FRRS1: variants seen among roughly 807,000 people sequenced by gnomAD.
FRRS1 encodes ferric reductase 1.
In FRRS1, 51 loss-of-function variants were observed where a neutral mutation model predicts 70.7. That is an observed-to-expected ratio of 0.72 (90% CI 0.58 to 0.91). FRRS1 has a LOEUF of 0.91. Among genes scored for constraint, FRRS1 ranks in the 40% least tolerant of loss-of-function variants. The pLI is 0.00. For missense variants in FRRS1, 672 were observed against 726.0 expected (o/e 0.93, Z 0.86); for synonymous variants, 225 against 238.7 (o/e 0.94, Z 0.53).
At chr1:99,734,102 A>C (rs1655530445) in intron 7 of FRRS1, among the ~76,000 whole-genome samples, 1 of 152,220 alleles carries the variant, frequency 6.6e-6, no homozygotes, top group Non-Finnish European at 1.5e-5. Flanking sequence ...AATTTATAAA[A>C]AAGAAAAAGG....
intron 4 of FRRS1, among the ~76,000 whole-genome samples, chr1:99,746,511 G>C (rs1656276147): frequency 1.3e-5 from 2 of 152,208 alleles, no homozygotes; most frequent in Non-Finnish European, 2.9e-5. Flanking sequence ...GAAAAAAAAG[G>C]TGGGGGACGA....
At position 99,712,495 on chromosome 1, in the gene FRRS1, G is replaced by T. The variant is rs1261849736; in HGVS notation, c.1344C>A (p.Tyr448Ter). The T allele has an allele frequency of 6.2e-7, 1 of 1,609,232 alleles. No individual in the cohort carries two copies. Among genetic ancestry groups the T allele is most frequent in the African/African-American group, 1.3e-5 (1 of 74,744 alleles). ...GWSRHAGYHP[Y>*]LGCIVMTLAV... ...CCAAAGTCATCACTATACAGCCGAG[G>T]TATGGGTGGTAACCTGCATGCTAAA... is the stretch of plus-strand genomic sequence containing the variant. The change falls in exon 13 of 17, where the codon TAC becomes TAA. Residue 448 changes from tyrosine (Y) to a stop codon, truncating the protein, a stop_gained. Transcript: ENST00000646001. LOFTEE classifies it high-confidence loss of function.
At chr1:99,762,467 CT>C (rs1216418213) in intron 1 of FRRS1, among the ~76,000 whole-genome samples, 8 of 146,178 alleles carry the variant, frequency 5.5e-5, no homozygotes, top group South Asian at 4.4e-4. Flanking sequence ...TTCTTTCTTT[CT>C]TTTTTTTTCC....
intron 5 of FRRS1, 102 bp from the exon 6 acceptor site, chr1:99,741,042 A>G (rs1557699345): frequency 9.5e-7 from 1 of 1,057,838 alleles, no homozygotes; most frequent in Non-Finnish European, 1.4e-6. Context: ...CTAGAAAAAC[A>G]TGACTTACTA....
At chr1:99,744,395 T>A (rs1656133512) in intron 4 of FRRS1, among the ~76,000 whole-genome samples, 1 of 152,146 alleles carries the variant, frequency 6.6e-6, no homozygotes, top group African/African-American at 2.4e-5. Flanking sequence ...GAGAAGCAGC[T>A]TCTATTGACC....
intron 9 of FRRS1, among the ~76,000 whole-genome samples, chr1:99,723,352 C>CA (rs546264878): frequency 4.5e-4 from 68 of 151,842 alleles, no homozygotes; most frequent in African/African-American, 1.5e-3. Context: ...CCCATTTCTA[C>CA]AAAAAATACA....
At chr1:99,753,374 T>C (rs573520862) in intron 1 of FRRS1, among the ~76,000 whole-genome samples, 1 of 151,714 alleles carries the variant, frequency 6.6e-6, no homozygotes, top group East Asian at 1.9e-4. Context: ...TTAATAATTT[T>C]ATAAATTTTT....
rs1424880751 is a variant in FRRS1, at chr1:99,706,064, A to G, written c.*2964T>C. The stretch of plus-strand genomic sequence containing the variant: ...GATACCAACCACCCATAAGCAGAAG[A>G]AGAATAATTTGGTTCTAATCAAAAG... On this transcript the variant is annotated 3_prime_UTR_variant, in exon 17 of 17. Coordinates refer to ENST00000646001, the MANE Select transcript of FRRS1 (RefSeq NM_001361041.2). Among the ~76,000 whole-genome samples, 1 of 152,116 alleles carries G rather than the reference A, an allele frequency of 6.6e-6. No individual in the cohort carries two copies. The highest frequency in any genetic ancestry group is 1.5e-5 in the Non-Finnish European group (1 of 68,016).
rs1260134289 is a variant in FRRS1, at chr1:99,728,473, C to G, written c.1006+20G>C. The G allele has an allele frequency of 4.5e-6, 7 of 1,558,906 alleles. No homozygotes were observed. Among genetic ancestry groups the G allele is most frequent in the Non-Finnish European group, 6.1e-6 (7 of 1,144,822 alleles). Reference sequence around the variant, plus strand: ...AGAGAGAAAAAGACACTTGAAAAGACAGCTTAACAATATACTTACCATCAT... The same window carrying G: ...AGAGAGAAAAAGACACTTGAAAAGAGAGCTTAACAATATACTTACCATCAT... On this transcript the variant is annotated intron_variant, in intron 9 of 16. Coordinates refer to ENST00000646001, the MANE Select transcript of FRRS1 (RefSeq NM_001361041.2).
At chr1:99,758,821 A>C (rs542197336) in intron 1 of FRRS1, among the ~76,000 whole-genome samples, 99 of 152,258 alleles carry the variant, frequency 6.5e-4, no homozygotes, top group African/African-American at 2.2e-3. Context: ...TATTAATATT[A>C]ATACCCTGGG....
At chr1:99,757,097 A>T (rs2035959) in intron 1 of FRRS1, among the ~76,000 whole-genome samples, 5,645 of 151,062 alleles carry the variant, frequency 0.037, 355 homozygotes, top group African/African-American at 0.13. Flanking sequence ...TTTTTTTGCA[A>T]TATATAGTGG....
chr1:99,724,472 A>G (rs920827475), intron 9 of FRRS1, among the ~76,000 whole-genome samples: 2 of 152,254 alleles, frequency 1.3e-5, no homozygotes, highest in Admixed American at 1.3e-4. Context: ...AATAGCAGTT[A>G]GAAAAAGGTT....
intron 3 of FRRS1, 147 bp downstream of exon 3, chr1:99,748,426 A>C (rs1656397988): frequency 1.5e-6 from 1 of 674,114 alleles, no homozygotes; most frequent in South Asian, 2.0e-5. Flanking sequence ...TAATACAGTC[A>C]TCTGGAACCA....
At chr1:99,711,713 G>A (rs954349948) in intron 14 of FRRS1, among the ~76,000 whole-genome samples, 1 of 152,076 alleles carries the variant, frequency 6.6e-6, no homozygotes, top group Non-Finnish European at 1.5e-5. Flanking sequence ...CCCTGCCCTG[G>A]AAGATACAAG....
intron 4 of FRRS1, among the ~76,000 whole-genome samples, chr1:99,744,523 A>G (rs936248761): frequency 1.3e-5 from 2 of 152,184 alleles, no homozygotes; most frequent in African/African-American, 4.8e-5. Context: ...GCAGTGGCTC[A>G]TACCTGTAAT....
In FRRS1 at chr1:99,711,015, T is replaced by C. The variant is rs149861109; in HGVS notation, c.1481-66A>G. 2,028 of 1,375,660 alleles carry C rather than the reference T, an allele frequency of 1.5e-3. 2 individuals carry two copies. Among genetic ancestry groups the C allele is most frequent in the Middle Eastern group, 6.0e-3 (33 of 5,516 alleles). The allele number at this position is 1,375,660 out of a possible 1,614,324, so 85.2% of individuals were successfully genotyped here. A position where few individuals can be genotyped will look rare whatever the true frequency, so the allele number is the denominator to read the frequency against. On this transcript the variant is annotated intron_variant, in intron 14 of 16. Coordinates refer to ENST00000646001, the MANE Select transcript of FRRS1 (RefSeq NM_001361041.2). ...ACCAAGAGAGACAATTGTGTGTTTG[T>C]GTATGTGTATTATCAAGTAAAACAT...
At chr1:99,738,353 T>C in intron 6 of FRRS1, 85 bp from the exon 7 acceptor site, 1 of 899,330 alleles carries the variant, frequency 1.1e-6, no homozygotes, top group Non-Finnish European at 1.7e-6. Context: ...TACCTTCAAG[T>C]ACGGGTAGCT....
intron 14 of FRRS1, among the ~76,000 whole-genome samples, chr1:99,711,723 G>A (rs1654281364): frequency 6.6e-6 from 1 of 152,140 alleles, no homozygotes; most frequent in Admixed American, 6.6e-5. Flanking sequence ...GAAGATACAA[G>A]CCCCATGGAA....
chr1:99,705,135 G>C lies in FRRS1; in HGVS notation c.*3893C>G, dbSNP rs1479791251. Among the ~76,000 whole-genome samples the C allele has an allele frequency of 1.3e-5, 2 of 152,192 alleles. No individual in the cohort carries two copies. The highest frequency in any genetic ancestry group is 4.8e-5 in the African/African-American group (2 of 41,450). On this transcript the variant is annotated 3_prime_UTR_variant, in exon 17 of 17. Transcript: ENST00000646001. ...CTTCAGCTGCAAACATTCACCCCTA[G>C]ACATTGCTGTGGGGTCGGAGCCCCA...
Sources: allele counts gnomAD v4.1 joint callset (sites outside exome capture counted in the v4.1 genomes callset), GRCh38; gene constraint gnomAD v4.1.1; transcripts MANE v1.5; gene names NCBI Gene and HGNC (gene_info 2026-07-23, HGNC 2026-07-21).